The following TBX3 variants were observed in gnomAD, a reference collection of about 807,000 sequenced individuals.
The protein encoded by TBX3 is T-box transcription factor TBX3.
In TBX3, 11 loss-of-function variants were observed where a neutral mutation model predicts 47.8. The ratio of observed to expected loss-of-function variants is 0.23; its 90% CI spans 0.14 to 0.38. The LOEUF (loss-of-function observed/expected upper bound fraction) is 0.38, where lower values mean the gene tolerates loss of function less well. Ranked by LOEUF, TBX3 falls within the 10% of genes least tolerant of loss-of-function variation. TBX3 has a pLI of 1.00. For missense variants in TBX3, 927 were observed against 1,022.8 expected (o/e 0.91, Z 1.28); for synonymous variants, 500 against 449.3 (o/e 1.11, Z -1.43).
Position 114,671,765 on chromosome 12 carries a change from G to C in TBX3, c.*76C>G. 2 of 1,527,030 alleles carry C rather than the reference G, an allele frequency of 1.3e-6. No individual in the cohort carries two copies. Among genetic ancestry groups the C allele is most frequent in the Non-Finnish European group, 1.8e-6 (2 of 1,127,942 alleles). The allele number at this position is 1,527,030 out of a possible 1,614,324, so 94.6% of individuals were successfully genotyped here. A position where few individuals can be genotyped will look rare whatever the true frequency, so the allele number is the denominator to read the frequency against. On this transcript the variant is annotated 3_prime_UTR_variant, in exon 7 of 7. Coordinates refer to ENST00000349155, the MANE Select transcript of TBX3 (RefSeq NM_005996.4). ...GAAGGGCTAACGCCATGGCGGGCCC[G>C]TGGTTTATTTTATATCCGACAAAGT...
chr12:114,677,917 T>C (rs1184254300), intron 3 of TBX3, among the ~76,000 whole-genome samples: 2 of 152,144 alleles, frequency 1.3e-5, no homozygotes, highest in Non-Finnish European at 2.9e-5. Context: ...GACATGGAAG[T>C]GTTGTCAAAG....
chr12:114,678,347 C>G (rs550342468), intron 3 of TBX3, among the ~76,000 whole-genome samples: 2 of 152,162 alleles, frequency 1.3e-5, no homozygotes, highest in African/African-American at 4.8e-5. Context: ...GTCTAGAGGG[C>G]ACATGCATTT....
chr12:114,682,691 T>C (rs1868989579), intron 1 of TBX3, 121 bp downstream of exon 1: 1 of 1,489,292 alleles, frequency 6.7e-7, no homozygotes, highest in South Asian at 1.2e-5. Context: ...CATACATTTC[T>C]AGGGGAACTA....
rs1356316539 is a variant in TBX3 at position 114,670,697 on chromosome 12, G to C, written c.*1144C>G. On this transcript the variant is annotated 3_prime_UTR_variant, in exon 7 of 7. Transcript: ENST00000349155. ...CATTAAAAAAGAAAACAAAAATGTT[G>C]CAGACAACTCTTTTGAAAGGGTATT... The C allele has an allele frequency of 4.8e-6, 1 of 208,478 alleles. No homozygotes were observed. Among genetic ancestry groups the C allele is most frequent in the Non-Finnish European group, 9.8e-6 (1 of 102,504 alleles). The allele number at this position is 208,478 out of a possible 1,614,324, so 12.9% of individuals were successfully genotyped here.
intron 3 of TBX3, among the ~76,000 whole-genome samples, chr12:114,678,946 C>T (rs929457479): frequency 6.6e-6 from 1 of 151,990 alleles, no homozygotes; most frequent in Non-Finnish European, 1.5e-5. Flanking sequence ...ACCCTGTGAT[C>T]AGGGTAGGTT....
chr12:114,674,769 GCCT>G lies in TBX3; in HGVS notation c.1103_1105del (p.Glu368del). 1 of 1,587,534 alleles carries G rather than the reference GCCT, an allele frequency of 6.3e-7. No individual in the cohort carries two copies. Among genetic ancestry groups the G allele is most frequent in the East Asian group, 2.3e-5 (1 of 44,076 alleles). Reference sequence around the variant, plus strand: ...GGTGGAGATCTTGGCCGCGTCGCAGGCCTCGGGGCCATGCTCCTCTTTGCTCTC... The same window carrying G: ...GGTGGAGATCTTGGCCGCGTCGCAGGCGGGGCCATGCTCCTCTTTGCTCTC... On this transcript the variant is annotated inframe_deletion, in exon 6 of 7. Coordinates refer to ENST00000349155, the MANE Select transcript of TBX3 (RefSeq NM_005996.4).
In TBX3 at chr12:114,671,474, A is replaced by G. The variant is rs1309713073; in HGVS notation, c.*367T>C. 5 of 322,482 alleles carry G rather than the reference A, an allele frequency of 1.6e-5. No homozygotes were observed. In the East Asian group the frequency reaches 2.4e-4, roughly 15 times the overall value. The allele number at this position is 322,482 out of a possible 1,614,324, so 20.0% of individuals were successfully genotyped here. The stretch of plus-strand genomic sequence containing the variant: ...TTCCACTTGACACAGTGAAGGAAAA[A>G]TATATATATAAATCCGCACTGAGGG... On this transcript the variant is annotated 3_prime_UTR_variant, in exon 7 of 7. Transcript: ENST00000349155.
Position 114,674,640 on chromosome 12 carries a change from G to C in TBX3, c.1235C>G (p.Ser412Trp), listed in dbSNP as rs372774795. ...PRDSGRLDKASPDSRHSPATI... is the reference protein window; with the variant it reads ...PRDSGRLDKAWPDSRHSPATI... ...GGCGGGGCTATGGCGTGAGTCGGGCGACGCTTTGTCCAGCCGCCCGCTGTC... is the reference window on the plus strand; with the variant it reads ...GGCGGGGCTATGGCGTGAGTCGGGCCACGCTTTGTCCAGCCGCCCGCTGTC... Residue 412 changes from serine (S) to tryptophan (W), a missense_variant, in exon 6 of 7, where the codon TCG (serine) becomes TGG (tryptophan). Coordinates refer to ENST00000349155, the MANE Select transcript of TBX3 (RefSeq NM_005996.4). 1 of 1,606,680 alleles carries C rather than the reference G, an allele frequency of 6.2e-7. No homozygotes were observed. Among genetic ancestry groups the C allele is most frequent in the African/African-American group, 1.3e-5 (1 of 74,904 alleles).
At chr12:114,678,020 T>TCTCA (rs1868780826) in intron 3 of TBX3, among the ~76,000 whole-genome samples, 1 of 144,164 alleles carries the variant, frequency 6.9e-6, no homozygotes, top group Non-Finnish European at 1.5e-5. Flanking sequence ...CATACTCCCT[T>TCTCA]CACACACACA....
intron 6 of TBX3, 143 bp from the exon 7 acceptor site, chr12:114,672,445 T>G (rs1357457955): frequency 2.3e-5 from 11 of 476,206 alleles, no homozygotes; most frequent in South Asian, 1.3e-4. Flanking sequence ...TGTTTTTTTT[T>G]TTGGGGGGGG....
Position 114,680,849 on chromosome 12 carries a change from A to C in TBX3, c.657+30T>G. Reference sequence around the variant, plus strand: ...CCTTTGACTGAGTGAAGGAGGAGAAAATTTTACTGAAGAGAGCAATGAAAC... The same window carrying C: ...CCTTTGACTGAGTGAAGGAGGAGAACATTTTACTGAAGAGAGCAATGAAAC... On this transcript the variant is annotated intron_variant, in intron 2 of 6. Coordinates refer to ENST00000349155, the MANE Select transcript of TBX3 (RefSeq NM_005996.4). The C allele has an allele frequency of 2.5e-6, 4 of 1,614,140 alleles. No homozygotes were observed. In the East Asian group the frequency reaches 8.9e-5, roughly 36 times the overall value.
In TBX3 at chr12:114,674,768, G is replaced by T; in HGVS notation, c.1107C>A (p.Ala369=). The T allele has an allele frequency of 6.3e-7, 1 of 1,587,542 alleles. No individual in the cohort carries two copies. The highest frequency in any genetic ancestry group is 2.3e-5 in the East Asian group (1 of 44,082). ...TGGTGGAGATCTTGGCCGCGTCGCA[G>T]GCCTCGGGGCCATGCTCCTCTTTGC... The part of the protein sequence containing the change: ...AESKEEHGPE[A]CDAAKISTTT... The change falls in exon 6 of 7, where the codon GCC becomes GCA. Residue 369 remains alanine (A), a synonymous_variant. Transcript: ENST00000349155.
intron 5 of TBX3, 58 bp from the exon 6 acceptor site, chr12:114,674,893 A>G: frequency 6.5e-7 from 1 of 1,535,954 alleles, no homozygotes; most frequent in Non-Finnish European, 8.7e-7. Flanking sequence ...GTATGAGCCA[A>G]CGGAACTCCA....
At chr12:114,675,630 G>C (rs1028279735) in intron 5 of TBX3, among the ~76,000 whole-genome samples, 1 of 106,014 alleles carries the variant, frequency 9.4e-6, no homozygotes, top group Non-Finnish European at 1.8e-5. Context: ...TCTTCCCGTT[G>C]AGAGTGTGTG....
chr12:114,674,781 T>C lies in TBX3; in HGVS notation c.1094A>G (p.His365Arg), dbSNP rs141004177. 1.6e-3 allele frequency: 2,496 copies of C among 1,585,550 alleles called. 42 individuals carry two copies. The African/African-American group carries it at 0.031, about 19-fold the overall frequency. ...SDAEAESKEE[H>R]GPEACDAAKI... ...GGCCGCGTCGCAGGCCTCGGGGCCATGCTCCTCTTTGCTCTCGGCCTCGGC... is the reference window on the plus strand; with the variant it reads ...GGCCGCGTCGCAGGCCTCGGGGCCACGCTCCTCTTTGCTCTCGGCCTCGGC... Residue 365 changes from histidine (H) to arginine (R), a missense_variant, in exon 6 of 7, where the codon CAT becomes CGT. This residue lies in a region of TBX3 where 623 missense variants were observed against 569.0 expected (regional missense o/e 1.09). Coordinates refer to ENST00000349155, the MANE Select transcript of TBX3 (RefSeq NM_005996.4).
rs1436843732 is a variant in TBX3, at chr12:114,670,560, TC to T, written c.*1280del. The T allele has an allele frequency of 5.2e-6, 1 of 190,996 alleles. No homozygotes were observed. The highest frequency in any genetic ancestry group is 1.1e-5 in the Non-Finnish European group (1 of 94,698). 11.8% of individuals were successfully genotyped at this position (190,996 alleles called of 1,614,324 possible). ...AAACCGCAGCCTCTGCCCTCCTCCC[TC>T]CCCACAGCAATCTCAGTTATATTTT... On this transcript the variant is annotated 3_prime_UTR_variant, in exon 7 of 7. Coordinates refer to ENST00000349155, the MANE Select transcript of TBX3 (RefSeq NM_005996.4).
At position 114,681,146 on chromosome 12, in the gene TBX3, C is replaced by T; in HGVS notation, c.390G>A (p.Arg130=). ...GTEMVITKSG[R]RMFPPFKVRC... ...TCACTTTAAATGGAGGAAACATTCG[C>T]CTATAAAACGAAAGAATAGAAAAGA... Residue 130 remains arginine, a splice_region_variant and synonymous_variant, in exon 2 of 7, where the codon AGG becomes AGA. Coordinates refer to ENST00000349155, the MANE Select transcript of TBX3 (RefSeq NM_005996.4). The T allele has an allele frequency of 6.2e-7, 1 of 1,613,722 alleles. No individual in the cohort carries two copies. Among genetic ancestry groups the T allele is most frequent in the East Asian group, 2.2e-5 (1 of 44,844 alleles).
intron 2 of TBX3, chr12:114,680,270 A>G (rs539752959): frequency 1.0e-4 from 46 of 443,812 alleles, no homozygotes; most frequent in Non-Finnish European, 1.8e-4. Context: ...CCTTTGCCTG[A>G]TATCTACAAG....
chr12:114,676,203 G>T (rs891494516), intron 5 of TBX3, 110 bp downstream of exon 5: 2 of 1,403,658 alleles, frequency 1.4e-6, no homozygotes, highest in African/African-American at 2.8e-5. Flanking sequence ...ATGTTTAGAA[G>T]GCTTCTAGCT....
Sources: gnomAD v4.1 joint callset for allele counts (sites outside exome capture counted in the v4.1 genomes callset) on GRCh38, gnomAD v4.1.1 for gene constraint, gnomAD v4.1.1 regional missense constraint, MANE v1.5 for transcripts, NCBI Gene and HGNC (gene_info 2026-07-23, HGNC 2026-07-21) for gene names.